The following MTA3 variants were observed in gnomAD, a reference collection of about 807,000 sequenced individuals.
The protein encoded by MTA3 is metastasis-associated protein MTA3.
MTA3 carries 34 observed loss-of-function variants against 83.5 expected under a neutral mutation model. The ratio of observed to expected loss-of-function variants is 0.41; its 90% CI spans 0.31 to 0.54. MTA3 has a LOEUF of 0.54. Ranked by LOEUF, MTA3 falls within the 20% of genes least tolerant of loss-of-function variation. MTA3 has a pLI of 0.33. For missense variants in MTA3, 761 were observed against 726.4 expected (o/e 1.05, Z -0.55); for synonymous variants, 303 against 252.7 (o/e 1.20, Z -1.89).
intron 2 of MTA3, among the ~76,000 whole-genome samples, chr2:42,545,047 G>C (rs915808264): frequency 6.6e-6 from 1 of 152,140 alleles, no homozygotes; most frequent in East Asian, 1.9e-4. Context: ...CAGGTGATGA[G>C]AGCTGCAGAA....
At chr2:42,620,641 C>T (rs771385493) in intron 4 of MTA3, among the ~76,000 whole-genome samples, 2 of 152,124 alleles carry the variant, frequency 1.3e-5, no homozygotes, top group Non-Finnish European at 2.9e-5. Flanking sequence ...CACAGGTGCA[C>T]GGTACCATGC....
intron 4 of MTA3, among the ~76,000 whole-genome samples, chr2:42,630,370 T>C (rs557729217): frequency 1.3e-5 from 2 of 152,314 alleles, no homozygotes; most frequent in Admixed American, 6.5e-5. Context: ...AATCAAAATA[T>C]ACAAACATGA....
chr2:42,540,492 G>A (rs367845454), intron 2 of MTA3, among the ~76,000 whole-genome samples: 2 of 152,096 alleles, frequency 1.3e-5, no homozygotes, highest in African/African-American at 4.8e-5. Context: ...CTTGACAGGG[G>A]AAAATGATCT....
chr2:42,545,372 T>G (rs1365045856), intron 2 of MTA3, among the ~76,000 whole-genome samples: 1 of 151,774 alleles, frequency 6.6e-6, no homozygotes, highest in Admixed American at 6.6e-5. Flanking sequence ...AGAGAAACCT[T>G]GTCTCAAAAA....
chr2:42,508,204 C>T (rs1488822629), intron 2 of MTA3, among the ~76,000 whole-genome samples: 1 of 152,132 alleles, frequency 6.6e-6, no homozygotes, highest in East Asian at 1.9e-4. Context: ...AGAAATCTTT[C>T]CCCAGCCACA....
chr2:42,589,673 T>G (rs750959337), intron 3 of MTA3, among the ~76,000 whole-genome samples: 3 of 152,112 alleles, frequency 2.0e-5, no homozygotes, highest in Non-Finnish European at 4.4e-5. Flanking sequence ...CTGCCTCAGC[T>G]TCTGGAGTAG....
At chr2:42,541,410 T>A (rs1031284510) in intron 2 of MTA3, among the ~76,000 whole-genome samples, 2 of 152,220 alleles carry the variant, frequency 1.3e-5, no homozygotes, top group Non-Finnish European at 2.9e-5. Flanking sequence ...AAGCTGTAGC[T>A]CCTGGTCAGC....
intron 2 of MTA3, among the ~76,000 whole-genome samples, chr2:42,550,152 T>C (rs1356116825): frequency 2.0e-5 from 3 of 152,156 alleles, no homozygotes; most frequent in Non-Finnish European, 4.4e-5. Context: ...GTTGCTAAGA[T>C]CTACCATAAG....
chr2:42,607,553 T>C (rs771855540), intron 3 of MTA3, among the ~76,000 whole-genome samples: 4 of 152,014 alleles, frequency 2.6e-5, no homozygotes, highest in Non-Finnish European at 5.9e-5. Context: ...TTTGTAGAGA[T>C]GTTTGGTCTT....
intron 3 of MTA3, among the ~76,000 whole-genome samples, chr2:42,600,862 T>C (rs1426596563): frequency 6.6e-6 from 1 of 151,928 alleles, no homozygotes. Context: ...TTCTTTTACA[T>C]CTTTTATTTG....
chr2:42,525,075 G>A (rs948139652), intron 2 of MTA3, among the ~76,000 whole-genome samples: 2 of 151,166 alleles, frequency 1.3e-5, no homozygotes, highest in Non-Finnish European at 2.9e-5. Context: ...ATCCTTTAGC[G>A]TTAGGTATAT....
chr2:42,558,844 C>T (rs1420537385), intron 2 of MTA3, among the ~76,000 whole-genome samples: 3 of 151,916 alleles, frequency 2.0e-5, no homozygotes, highest in Admixed American at 6.6e-5. Flanking sequence ...CGTGAGCCAC[C>T]GTGCCCGGCC....
chr2:42,661,602 T>G lies in MTA3; in HGVS notation c.702+1740T>G, dbSNP rs902296488. Among the ~76,000 whole-genome samples, 44 of 151,696 alleles carry G rather than the reference T, an allele frequency of 2.9e-4. 1 individual carries two copies. Among genetic ancestry groups the G allele is most frequent in the Non-Finnish European group, 7.4e-5 (5 of 67,970 alleles). On this transcript the variant is annotated intron_variant, in intron 8 of 16. Transcript: ENST00000405094. ...CTGTATATATTTTTCCTGGTCAAAG[T>G]GATTTTTGCTCAATTTAAAAATTAA...
chr2:42,722,736 T>G (rs1453817860), intron 15 of MTA3, among the ~76,000 whole-genome samples, 153 bp from the exon 16 acceptor site: 1 of 152,168 alleles, frequency 6.6e-6, no homozygotes, highest in East Asian at 1.9e-4. Context: ...CAACAACACT[T>G]GAAGCTGACT....
chr2:42,659,521 C>A (rs1396556332), intron 7 of MTA3: 2 of 201,554 alleles, frequency 9.9e-6, no homozygotes, highest in Admixed American at 1.2e-4. Flanking sequence ...ACCCCCTGCA[C>A]AGGCTATTTT....
chr2:42,703,541 G>C (rs539611549), intron 11 of MTA3: 1 of 152,306 alleles, frequency 6.6e-6, no homozygotes, highest in South Asian at 2.1e-4. Context: ...TAATTTGTTT[G>C]ATCCAAATAA....
At chr2:42,711,783 AGTGTGT>A (rs763894802) in intron 14 of MTA3, among the ~76,000 whole-genome samples, 2 of 147,630 alleles carry the variant, frequency 1.4e-5, no homozygotes, top group Non-Finnish European at 1.5e-5. Flanking sequence ...AGAGAGAGAG[AGTGTGT>A]GTGTGTGTGT....
At chr2:42,500,865 T>C (rs922962352) in intron 2 of MTA3, among the ~76,000 whole-genome samples, 2 of 149,798 alleles carry the variant, frequency 1.3e-5, no homozygotes, top group Admixed American at 6.8e-5. Context: ...GGCTGGAGTG[T>C]GGTGGCGTGA....
Position 42,729,086 on chromosome 2 carries a change from G to GTTTTTTTTTTTTTTT in MTA3, c.1759+6064_1759+6078dup, listed in dbSNP as rs1216600680. ...TTCTTTTATTAGTTTCACAGTTTGA[G>GTTTTTTTTTTTTTTT]TTTTTTTTTTTTTTTTTTTTTTTTT... On this transcript the variant is annotated intron_variant, in intron 16 of 16. Coordinates refer to ENST00000405094, the MANE Select transcript of MTA3 (RefSeq NM_001330442.2). 5.5e-4 allele frequency among the ~76,000 whole-genome samples: 33 copies of GTTTTTTTTTTTTTTT among 60,126 alleles called. 7 individuals carry two copies. The highest frequency in any genetic ancestry group is 7.5e-4 in the East Asian group (1 of 1,330). 39.4% of individuals were successfully genotyped at this position (60,126 alleles called of 152,430 possible).
Sources: allele counts gnomAD v4.1 joint callset (sites outside exome capture counted in the v4.1 genomes callset), GRCh38; gene constraint gnomAD v4.1.1; transcripts MANE v1.5; gene names NCBI Gene and HGNC (gene_info 2026-07-23, HGNC 2026-07-21).